JAK1: variants seen among roughly 807,000 people sequenced by gnomAD.
JAK1 encodes the protein Janus kinase 1, also known as tyrosine-protein kinase JAK1.
JAK1 carries 16 observed loss-of-function variants against 136.6 expected under a neutral mutation model. The ratio of observed to expected loss-of-function variants is 0.12; its 90% CI spans 0.08 to 0.18. JAK1 has a LOEUF of 0.18. JAK1 is among the 10% of genes least tolerant of loss of function. The pLI is 1.00. For missense variants in JAK1, 859 were observed against 1,450.1 expected, an observed-to-expected ratio of 0.59 and a Z score of 6.62; for synonymous variants, 492 against 519.5, an observed-to-expected ratio of 0.95 and a Z score of 0.72.
chr1:65,052,861 CAAA>C (rs35560095), intron 1 of JAK1, among the ~76,000 whole-genome samples: 7 of 88,670 alleles, frequency 7.9e-5, no homozygotes, highest in East Asian at 3.3e-4. Context: ...GACTCCATCT[CAAA>C]AAAAAAAAAA....
chr1:64,887,668 A>G (rs1644871806), intron 1 of JAK1, among the ~76,000 whole-genome samples: 1 of 152,208 alleles, frequency 6.6e-6, no homozygotes, highest in African/African-American at 2.4e-5. Flanking sequence ...GGAAAAGTAG[A>G]GAACATAAAA....
intron 1 of JAK1, among the ~76,000 whole-genome samples, chr1:65,067,153 C>T (rs189760487): frequency 0.013 from 1,904 of 151,664 alleles, 14 homozygotes; most frequent in Non-Finnish European, 0.021. Context: ...CCCGGCCCGC[C>T]CCGCGCCGCC....
At chr1:64,838,819 G>A (rs1256760978) in intron 20 of JAK1, among the ~76,000 whole-genome samples, 1 of 152,192 alleles carries the variant, frequency 6.6e-6, no homozygotes, top group Non-Finnish European at 1.5e-5. Flanking sequence ...AACAGTCAGA[G>A]TGCTCTGTAA....
chr1:64,913,872 A>G (rs1645345153), intron 1 of JAK1, among the ~76,000 whole-genome samples: 1 of 152,206 alleles, frequency 6.6e-6, no homozygotes, highest in South Asian at 2.1e-4. Flanking sequence ...AATAGGTGGG[A>G]CTGGAGATAG....
chr1:65,060,774 G>A (rs1246377352), intron 1 of JAK1, among the ~76,000 whole-genome samples: 1 of 152,150 alleles, frequency 6.6e-6, no homozygotes, highest in Non-Finnish European at 1.5e-5. Context: ...TTTCAAAAAT[G>A]TGTCTTGCTT....
intron 10 of JAK1, among the ~76,000 whole-genome samples, chr1:64,856,267 G>A (rs1655923631): frequency 6.6e-6 from 1 of 152,152 alleles, no homozygotes; most frequent in Non-Finnish European, 1.5e-5. Flanking sequence ...TTTCCCTCAT[G>A]GGCTCTTTTT....
chr1:65,010,496 C>T (rs1458471033), intron 2 of JAK1, among the ~76,000 whole-genome samples: 3 of 152,208 alleles, frequency 2.0e-5, no homozygotes, highest in Non-Finnish European at 2.9e-5. Flanking sequence ...GAAGTTGATC[C>T]TCCGGCCTCA....
chr1:65,056,639 G>A (rs964446955), intron 1 of JAK1, among the ~76,000 whole-genome samples: 6 of 152,122 alleles, frequency 3.9e-5, no homozygotes, highest in Non-Finnish European at 8.8e-5. Context: ...AAAGTCACAC[G>A]AGGCCGGGTG....
intron 2 of JAK1, among the ~76,000 whole-genome samples, chr1:65,035,538 T>A (rs1309807892): frequency 1.3e-5 from 2 of 152,192 alleles, no homozygotes; most frequent in East Asian, 3.8e-4. Flanking sequence ...CATTCTACTC[T>A]CCTGTAAAAT....
At chr1:64,985,640 A>T in intron 2 of JAK1, 2 of 763,574 alleles carry the variant, frequency 2.6e-6, no homozygotes, top group Non-Finnish European at 4.5e-6. Flanking sequence ...TGCCAAAGAC[A>T]CCTTGCAGGC....
At chr1:64,841,701 A>C in intron 17 of JAK1, 100 bp from the exon 18 acceptor site, 3 of 1,181,636 alleles carry the variant, frequency 2.5e-6, no homozygotes, top group Non-Finnish European at 3.7e-6. Context: ...TCGATTCTCA[A>C]CATCTCCACT....
intron 2 of JAK1, among the ~76,000 whole-genome samples, chr1:65,024,702 G>C (rs547544363): frequency 1.3e-5 from 2 of 151,636 alleles, no homozygotes; most frequent in Admixed American, 1.3e-4. Flanking sequence ...AAAGGCTAGG[G>C]GTGGTGGCTC....
At chr1:64,908,778 C>T (rs1645232598) in intron 1 of JAK1, among the ~76,000 whole-genome samples, 2 of 151,988 alleles carry the variant, frequency 1.3e-5, no homozygotes, top group South Asian at 4.2e-4. Context: ...AATAAAGATT[C>T]AGTGTACACT....
At chr1:65,024,660 C>CAAAAAAAAAAAAAAAAAAA (rs11349903) in intron 2 of JAK1, among the ~76,000 whole-genome samples, 1 of 69,862 alleles carries the variant, frequency 1.4e-5, no homozygotes, top group Non-Finnish European at 3.0e-5. Context: ...TGGTCCAAAG[C>CAAAAAAAAAAAAAAAAAAA]AAAAAAAAAA....
intron 1 of JAK1, among the ~76,000 whole-genome samples, chr1:65,053,550 A>C (rs1451893971): frequency 6.6e-6 from 1 of 152,142 alleles, no homozygotes; most frequent in Admixed American, 6.5e-5. Context: ...AAATATACTC[A>C]CTTAAGAACA....
intron 1 of JAK1, among the ~76,000 whole-genome samples, chr1:64,955,740 A>G (rs1349371889): frequency 6.6e-6 from 1 of 152,226 alleles, no homozygotes; most frequent in Non-Finnish European, 1.5e-5. Context: ...AGAGTGCGCA[A>G]TGATAGATCA....
chr1:65,013,646 G>A (rs1004714901), intron 2 of JAK1, among the ~76,000 whole-genome samples: 4 of 152,166 alleles, frequency 2.6e-5, no homozygotes, highest in South Asian at 4.1e-4. Context: ...TATTGATGAC[G>A]TCCCTAGGAA....
intron 1 of JAK1, among the ~76,000 whole-genome samples, chr1:64,906,904 G>C (rs1207835974): frequency 6.6e-6 from 1 of 151,756 alleles, no homozygotes; most frequent in Non-Finnish European, 1.5e-5. Flanking sequence ...TTTCATGCCA[G>C]TGCATGTTTT....
intron 2 of JAK1, among the ~76,000 whole-genome samples, chr1:64,976,092 C>T (rs372541932): frequency 2.0e-5 from 3 of 152,162 alleles, no homozygotes; most frequent in Admixed American, 6.5e-5. Flanking sequence ...AGTGGGACCA[C>T]GCCTACTTTG....
Sources: gnomAD v4.1 joint callset for allele counts (sites outside exome capture counted in the v4.1 genomes callset) on GRCh38, gnomAD v4.1.1 for gene constraint, MANE v1.5 for transcripts, NCBI Gene and HGNC (gene_info 2026-07-23, HGNC 2026-07-21) for gene names.